Variants in PRDM5 observed in about 807,000 individuals in gnomAD.
PRDM5 encodes the protein PR/SET domain 5.
Under a neutral mutation model 81.2 loss-of-function variants are expected in PRDM5, and 56 were observed. The observed-to-expected ratio is 0.69, with a 90% CI of 0.56 to 0.86. The LOEUF (loss-of-function observed/expected upper bound fraction) is 0.86. Among genes scored for constraint, PRDM5 ranks in the 40% least tolerant of loss-of-function variants. The pLI is 0.00. For missense variants in PRDM5, 697 were observed against 770.1 expected (o/e 0.91, Z 1.12); for synonymous variants, 267 against 256.4 (o/e 1.04, Z -0.39).
At chr4:120,919,696 A>G (rs1004455790) in intron 1 of PRDM5, among the ~76,000 whole-genome samples, 1 of 152,236 alleles carries the variant, frequency 6.6e-6, no homozygotes, top group Non-Finnish European at 1.5e-5. Flanking sequence ...TTTAATCTGC[A>G]TAATACTTTG....
rs1043143664 is a variant in PRDM5, at chr4:120,910,945, T to C, written c.94-3388A>G. Among the ~76,000 whole-genome samples, 3 of 152,210 alleles carry C rather than the reference T, an allele frequency of 2.0e-5. No individual in the cohort carries two copies. In the East Asian group the frequency reaches 5.8e-4, roughly 29 times the overall value. The stretch of plus-strand genomic sequence containing the variant: ...ACTAGCAGATAGGAAAACTGTCCGC[T>C]CTTCCATTTTCTTGCTGTCCATTTG... On this transcript the variant is annotated intron_variant, in intron 1 of 15. Transcript: ENST00000264808.
At chr4:120,757,835 TTCTC>T (rs1196532178) in intron 13 of PRDM5, among the ~76,000 whole-genome samples, 2 of 151,672 alleles carry the variant, frequency 1.3e-5, no homozygotes, top group Non-Finnish European at 2.9e-5. Context: ...TTCTCTCTCT[TTCTC>T]TCCTCCTCTT....
At chr4:120,921,756 A>C (rs2148728254) in intron 1 of PRDM5, among the ~76,000 whole-genome samples, 1 of 152,264 alleles carries the variant, frequency 6.6e-6, no homozygotes, top group South Asian at 2.1e-4. Flanking sequence ...TTTGCTTTCA[A>C]CATCCAACAC....
chr4:120,699,161 A>AATATAAATATATATAT (rs1286927101), intron 15 of PRDM5, among the ~76,000 whole-genome samples: 13 of 73,462 alleles, frequency 1.8e-4, no homozygotes, highest in South Asian at 1.1e-3. Flanking sequence ...AGGAAATATA[A>AATATAAATATATATAT]ATATATATAT....
Position 120,785,088 on chromosome 4 carries a change from G to A in PRDM5, c.1192C>T (p.His398Tyr). The part of the protein sequence containing the change: ...RNVYKNHKKT[H>Y]SEERPFQCEE... ...CATTGGAACGGTCTCTCCTCAGAGT[G>A]GGTCTGCAGAGGAAAAACACTGAGT... Residue 398 changes from histidine (H) to tyrosine (Y), a missense_variant, in exon 11 of 16, where the codon CAC (histidine) becomes TAC (tyrosine). Physicochemically the swap from His to Tyr is moderately conservative, Grantham distance 83. Around this residue, in one of 3 missense-constraint regions of PRDM5, gnomAD observed 577 missense variants for 606.7 expected, o/e 0.95. Transcript: ENST00000264808. 1 of 1,608,248 alleles carries A rather than the reference G, an allele frequency of 6.2e-7. No homozygotes were observed. The highest frequency in any genetic ancestry group is 8.5e-7 in the Non-Finnish European group (1 of 1,175,050).
intron 1 of PRDM5, among the ~76,000 whole-genome samples, chr4:120,911,830 T>C (rs1370281944): frequency 2.0e-5 from 3 of 152,160 alleles, no homozygotes; most frequent in Non-Finnish European, 2.9e-5. Context: ...ATTAACAAAT[T>C]TGTAAGCCCA....
chr4:120,785,937 C>A (rs1032691181), intron 10 of PRDM5, among the ~76,000 whole-genome samples: 7 of 152,096 alleles, frequency 4.6e-5, no homozygotes, highest in African/African-American at 1.4e-4. Context: ...ACTGCTCACT[C>A]CACCTCTTTT....
chr4:120,748,171 A>G (rs1743423174), intron 14 of PRDM5, among the ~76,000 whole-genome samples: 1 of 152,206 alleles, frequency 6.6e-6, no homozygotes, highest in Middle Eastern at 3.2e-3. Context: ...AGAGTTCAGC[A>G]ACTGGCATTT....
At chr4:120,888,967 G>T (rs1325744425) in intron 2 of PRDM5, among the ~76,000 whole-genome samples, 1 of 151,480 alleles carries the variant, frequency 6.6e-6, no homozygotes, top group East Asian at 1.9e-4. Context: ...ACTATATTCT[G>T]GATACAAATC....
chr4:120,686,707 C>T (rs148875843), intron 1 of PRDM5, among the ~76,000 whole-genome samples: 10 of 152,072 alleles, frequency 6.6e-5, no homozygotes, highest in African/African-American at 2.2e-4. Flanking sequence ...ATCTCAAATT[C>T]AAAGTTGGTA....
intron 14 of PRDM5, among the ~76,000 whole-genome samples, chr4:120,726,629 T>C (rs1403514220): frequency 6.6e-6 from 1 of 152,212 alleles, no homozygotes; most frequent in Non-Finnish European, 1.5e-5. Context: ...ATTCTTATTT[T>C]GTACATAAAG....
At chr4:120,722,200 T>C (rs1490073876) in intron 14 of PRDM5, among the ~76,000 whole-genome samples, 3 of 152,066 alleles carry the variant, frequency 2.0e-5, no homozygotes, top group South Asian at 4.1e-4. Context: ...ATCCCCCGAG[T>C]GTTCTTTCTG....
At chr4:120,780,730 A>G (rs1417893982) in intron 12 of PRDM5, among the ~76,000 whole-genome samples, 7 of 152,154 alleles carry the variant, frequency 4.6e-5, no homozygotes, top group Non-Finnish European at 8.8e-5. Context: ...CCCAATAACA[A>G]AAGGGTTCAG....
chr4:120,793,891 T>C lies in PRDM5; in HGVS notation c.1188+4376A>G, dbSNP rs72921551. Among the ~76,000 whole-genome samples the C allele has an allele frequency of 4.3e-3, 661 of 152,264 alleles. 2 individuals are homozygous for C. Among genetic ancestry groups the C allele is most frequent in the African/African-American group, 0.015 (620 of 41,538 alleles). ...TGTGTGTATACATATAAACATTACA[T>C]TGTACACCATAAACATACACAAATT... is the stretch of plus-strand genomic sequence containing the variant. On this transcript the variant is annotated intron_variant, in intron 10 of 15. Transcript: ENST00000264808.
chr4:120,839,847 T>C (rs891685743), intron 3 of PRDM5, among the ~76,000 whole-genome samples: 3 of 152,240 alleles, frequency 2.0e-5, no homozygotes, highest in East Asian at 3.9e-4. Flanking sequence ...CCCACACTCA[T>C]TGGTGCCCAA....
chr4:120,858,623 C>T (rs1318258003), intron 2 of PRDM5, among the ~76,000 whole-genome samples: 3 of 152,044 alleles, frequency 2.0e-5, no homozygotes, highest in East Asian at 3.9e-4. Context: ...AGCTTATCTA[C>T]TTATAACTCC....
At chr4:120,751,880 C>T (rs1251551630) in intron 14 of PRDM5, among the ~76,000 whole-genome samples, 2 of 152,132 alleles carry the variant, frequency 1.3e-5, no homozygotes, top group Admixed American at 1.3e-4. Context: ...CCAAAACTTC[C>T]TAAAGATGTA....
In PRDM5 at chr4:120,839,692, G is replaced by A. The variant is rs570790026; in HGVS notation, c.300+13726C>T. Among the ~76,000 whole-genome samples, 500 of 152,308 alleles carry A rather than the reference G, an allele frequency of 3.3e-3. 5 individuals carry two copies. Among genetic ancestry groups the A allele is most frequent in the East Asian group, 2.5e-3 (13 of 5,172 alleles). Reference sequence around the variant, plus strand: ...GCCTTCAGGCAATCCCTAGCCTGAAGGTGGGGCCTCACCGGGTACCTGCCC... The same window carrying A: ...GCCTTCAGGCAATCCCTAGCCTGAAAGTGGGGCCTCACCGGGTACCTGCCC... On this transcript the variant is annotated intron_variant, in intron 3 of 15. Transcript: ENST00000264808.
chr4:120,750,523 CT>C (rs901658866), intron 14 of PRDM5, among the ~76,000 whole-genome samples: 5 of 152,154 alleles, frequency 3.3e-5, no homozygotes, highest in African/African-American at 1.2e-4. Flanking sequence ...AGCCCACCCC[CT>C]GGAGAAGCTT....
Sources: allele counts gnomAD v4.1 joint callset (sites outside exome capture counted in the v4.1 genomes callset), GRCh38; gene constraint gnomAD v4.1.1; regional missense constraint gnomAD v4.1.1; transcripts MANE v1.5; gene names NCBI Gene and HGNC (gene_info 2026-07-23, HGNC 2026-07-21).